Variants in RBMS3 observed in about 807,000 individuals in gnomAD.
The protein encoded by RBMS3 is RNA binding motif single stranded interacting protein 3.
In RBMS3, 27 loss-of-function variants were observed where a neutral mutation model predicts 66.8. That is an observed-to-expected ratio of 0.40 (90% CI 0.30 to 0.56). The LOEUF is 0.56. Ranked by LOEUF, RBMS3 falls within the 20% of genes least tolerant of loss-of-function variation. The pLI is 0.40. For synonymous variants in RBMS3, 188 were observed against 183.0 expected, an observed-to-expected ratio of 1.03 and a Z score of -0.22; for missense variants, 513 against 549.5, an observed-to-expected ratio of 0.93 and a Z score of 0.66.
chr3:29,309,442 A>G (rs950823855), intron 1 of RBMS3, among the ~76,000 whole-genome samples: 2 of 151,822 alleles, frequency 1.3e-5, no homozygotes, highest in East Asian at 3.9e-4. Flanking sequence ...TTGTATCATA[A>G]TGTACTGACA....
intron 8 of RBMS3, among the ~76,000 whole-genome samples, chr3:29,889,972 G>A (rs1026329781): frequency 6.6e-6 from 1 of 151,620 alleles, no homozygotes; most frequent in African/African-American, 2.4e-5. Flanking sequence ...CTACCCATGA[G>A]TTTCTCTGTC....
chr3:29,351,250 G>T (rs1378221506), intron 1 of RBMS3, among the ~76,000 whole-genome samples: 1 of 152,040 alleles, frequency 6.6e-6, no homozygotes, highest in Non-Finnish European at 1.5e-5. Context: ...TGAACCTCTA[G>T]GATCGTCTTC....
chr3:29,398,085 G>A (rs2039638343), intron 1 of RBMS3, among the ~76,000 whole-genome samples: 1 of 152,154 alleles, frequency 6.6e-6, no homozygotes, highest in Non-Finnish European at 1.5e-5. Flanking sequence ...CTAGAACCCA[G>A]ATTCCTTCTT....
At chr3:29,855,975 A>G (rs897676234) in intron 6 of RBMS3, among the ~76,000 whole-genome samples, 9 of 152,228 alleles carry the variant, frequency 5.9e-5, no homozygotes, top group Non-Finnish European at 1.2e-4. Flanking sequence ...AAAGGCATAT[A>G]AATAAATGAG....
At chr3:29,835,422 T>C (rs1438925713) in intron 6 of RBMS3, among the ~76,000 whole-genome samples, 1 of 151,996 alleles carries the variant, frequency 6.6e-6, no homozygotes, top group Non-Finnish European at 1.5e-5. Context: ...ATTGTAATCA[T>C]ATTAAGCATA....
intron 14 of RBMS3, among the ~76,000 whole-genome samples, chr3:29,995,212 G>GA (rs1407773532): frequency 6.6e-6 from 1 of 152,032 alleles, no homozygotes; most frequent in Non-Finnish European, 1.5e-5. Context: ...GAAGTTTAGA[G>GA]AAAAAAGAAT....
At chr3:29,829,587 G>C (rs1039447497) in intron 6 of RBMS3, among the ~76,000 whole-genome samples, 1 of 152,116 alleles carries the variant, frequency 6.6e-6, no homozygotes, top group Non-Finnish European at 1.5e-5. Flanking sequence ...GAAGCAGAAT[G>C]GGGGAGGAGA....
intron 3 of RBMS3, among the ~76,000 whole-genome samples, chr3:29,494,529 A>G: frequency 6.6e-6 from 1 of 152,218 alleles, no homozygotes; most frequent in Non-Finnish European, 1.5e-5. Flanking sequence ...AATGAAAAAC[A>G]GACCACAGTT....
At chr3:29,341,143 A>G (rs928604149) in intron 1 of RBMS3, among the ~76,000 whole-genome samples, 1 of 152,146 alleles carries the variant, frequency 6.6e-6, no homozygotes, top group Admixed American at 6.6e-5. Flanking sequence ...AAATCCATAT[A>G]TAAAAATTCA....
At position 29,771,338 on chromosome 3, in the gene RBMS3, T is replaced by G. The variant is rs145354805; in HGVS notation, c.637+8349T>G. On this transcript the variant is annotated intron_variant, in intron 6 of 14. Coordinates refer to ENST00000383767, the MANE Select transcript of RBMS3 (RefSeq NM_001003793.3). ...TATCTCTCCCATCTTCCTTAAACAA[T>G]TCAAACCCTTTGAAAACAAGGACTG... Among the ~76,000 whole-genome samples, 197 of 152,140 alleles carry G rather than the reference T, an allele frequency of 1.3e-3. 1 individual carries two copies. Among genetic ancestry groups the G allele is most frequent in the Admixed American group, 3.5e-3 (54 of 15,242 alleles).
chr3:29,580,607 G>A (rs2047292522), intron 3 of RBMS3, among the ~76,000 whole-genome samples: 1 of 151,458 alleles, frequency 6.6e-6, no homozygotes, highest in Non-Finnish European at 1.5e-5. Context: ...GAAAAGCCAT[G>A]TTAGAGTTTT....
intron 4 of RBMS3, among the ~76,000 whole-genome samples, chr3:29,589,421 A>G (rs1024104989): frequency 1.3e-5 from 2 of 152,124 alleles, no homozygotes; most frequent in African/African-American, 2.4e-5. Context: ...GTTTAAAGTC[A>G]CTTTTATTTC....
intron 4 of RBMS3, among the ~76,000 whole-genome samples, chr3:29,688,698 T>C (rs989272437): frequency 6.8e-6 from 1 of 146,796 alleles, no homozygotes; most frequent in African/African-American, 2.5e-5. Context: ...TTCTCTCACA[T>C]CAGCCTCCTA....
intron 1 of RBMS3, among the ~76,000 whole-genome samples, chr3:29,388,410 T>C (rs924920260): frequency 6.6e-6 from 1 of 152,196 alleles, no homozygotes; most frequent in Non-Finnish European, 1.5e-5. Flanking sequence ...AATAAAGGTG[T>C]ATGAGCTTAG....
At chr3:29,663,093 C>A (rs1181456472) in intron 4 of RBMS3, among the ~76,000 whole-genome samples, 1 of 152,128 alleles carries the variant, frequency 6.6e-6, no homozygotes, top group East Asian at 1.9e-4. Context: ...GGTTTTTAAA[C>A]AATGTCAGTC....
At chr3:29,395,963 C>A (rs1193018285) in intron 1 of RBMS3, among the ~76,000 whole-genome samples, 1 of 152,052 alleles carries the variant, frequency 6.6e-6, no homozygotes, top group African/African-American at 2.4e-5. Flanking sequence ...TGATGAGGAG[C>A]AAGATATTTG....
intron 3 of RBMS3, among the ~76,000 whole-genome samples, chr3:29,521,420 C>G (rs773624066): frequency 1.3e-5 from 2 of 152,094 alleles, no homozygotes; most frequent in Non-Finnish European, 2.9e-5. Context: ...TTTGCTTTCT[C>G]GTATTGGGCT....
chr3:29,827,150 C>T (rs1276170679), intron 6 of RBMS3, among the ~76,000 whole-genome samples: 1 of 152,076 alleles, frequency 6.6e-6, no homozygotes, highest in Admixed American at 6.6e-5. Context: ...GTCATGGGGG[C>T]TAGAACCTAG....
chr3:29,848,597 A>T (rs1282341851), intron 6 of RBMS3, among the ~76,000 whole-genome samples: 4 of 152,250 alleles, frequency 2.6e-5, no homozygotes, highest in South Asian at 4.1e-4. Context: ...AAGGGCAGGG[A>T]TGCTGAATCA....
Sources: allele counts gnomAD v4.1 joint callset (sites outside exome capture counted in the v4.1 genomes callset), GRCh38; gene constraint gnomAD v4.1.1; transcripts MANE v1.5; gene names NCBI Gene and HGNC (gene_info 2026-07-23, HGNC 2026-07-21).